The following PARD3 variants were observed in gnomAD, a reference collection of about 807,000 sequenced individuals.
The protein encoded by PARD3 is par-3 family cell polarity regulator.
A neutral mutation model predicts 155.4 loss-of-function variants in PARD3; 75 were observed. The observed-to-expected ratio is 0.48, with a 90% CI of 0.40 to 0.58. The LOEUF is 0.58. Among genes scored for constraint, PARD3 ranks in the 20% least tolerant of loss-of-function variants. PARD3 has a pLI of 0.00. For missense variants in PARD3, 1,642 were observed against 1,721.7 expected (o/e 0.95, Z 0.82); for synonymous variants, 576 against 610.5 (o/e 0.94, Z 0.83).
chr10:34,803,519 G>A (rs190550920), intron 1 of PARD3, among the ~76,000 whole-genome samples: 431 of 152,268 alleles, frequency 2.8e-3, no homozygotes, highest in Non-Finnish European at 5.1e-3. Flanking sequence ...GGCCGGGCGC[G>A]GTGGCTCATG....
At position 34,231,679 on chromosome 10, in the gene PARD3, G is replaced by A. The variant is rs924358038; in HGVS notation, c.3419+37978C>T. Among the ~76,000 whole-genome samples, 9 of 151,294 alleles carry A rather than the reference G, an allele frequency of 5.9e-5. No homozygotes were observed. In the East Asian group the frequency reaches 7.7e-4, roughly 13 times the overall value. On this transcript the variant is annotated intron_variant, in intron 22 of 24. Coordinates refer to ENST00000374788, the MANE Select transcript of PARD3 (RefSeq NM_001184785.2). The stretch of plus-strand genomic sequence containing the variant: ...TCTTGAAGCTCTCTTGCTTGTTAAC[G>A]CCCTGACCTTCGCATCTGTGCTCAG...
chr10:34,265,559 A>G lies in PARD3; in HGVS notation c.3419+4098T>C, dbSNP rs767556430. Reference sequence around the variant, plus strand: ...GAATAGTAAAGGTCACTGGACACCAATTGCAAATTTTGGTGGAATTTAGTC... The same window carrying G: ...GAATAGTAAAGGTCACTGGACACCAGTTGCAAATTTTGGTGGAATTTAGTC... On this transcript the variant is annotated intron_variant, in intron 22 of 24. Coordinates refer to ENST00000374788, the MANE Select transcript of PARD3 (RefSeq NM_001184785.2). 4.2e-4 allele frequency among the ~76,000 whole-genome samples: 64 copies of G among 152,202 alleles called. 1 individual carries two copies. The highest frequency in any genetic ancestry group is 4.1e-4 in the South Asian group (2 of 4,832).
chr10:34,177,982 T>G (rs558799477), intron 22 of PARD3, among the ~76,000 whole-genome samples: 1 of 152,208 alleles, frequency 6.6e-6, no homozygotes, highest in Non-Finnish European at 1.5e-5. Context: ...AGAGACATAC[T>G]ATTGCAGGAA....
In PARD3 at chr10:34,245,576, GAAACAAAACAAAACAAAACA is replaced by G. The variant is rs5784403; in HGVS notation, c.3419+24061_3419+24080del. ...GCCAGACAAGGGGTAATACATCCCT[GAAACAAAACAAAACAAAACA>G]AAACAAAACAAAACAAAACAAGGAA... On this transcript the variant is annotated intron_variant, in intron 22 of 24. Transcript: ENST00000374788. 6.7e-5 allele frequency among the ~76,000 whole-genome samples: 10 copies of G among 148,272 alleles called. No homozygotes were observed. The East Asian group carries it at 1.8e-3, about 27-fold the overall frequency.
intron 11 of PARD3, among the ~76,000 whole-genome samples, chr10:34,373,752 G>C (rs1185332612): frequency 6.6e-6 from 1 of 152,004 alleles, no homozygotes; most frequent in Non-Finnish European, 1.5e-5. Flanking sequence ...ATCACTGTCT[G>C]AAATTTCCAC....
chr10:34,539,060 T>G (rs939435393), intron 2 of PARD3, among the ~76,000 whole-genome samples: 1 of 152,240 alleles, frequency 6.6e-6, no homozygotes, highest in Non-Finnish European at 1.5e-5. Flanking sequence ...TTGGTGAATA[T>G]TCACATTTTG....
At chr10:34,375,025 A>C in intron 10 of PARD3, 23 bp from the exon 11 acceptor site, 1 of 1,599,242 alleles carries the variant, frequency 6.3e-7, no homozygotes, top group Middle Eastern at 1.7e-4. Context: ...AAAAGTTTTC[A>C]GCTGTAATCC....
At chr10:34,521,334 T>C (rs993876600) in intron 2 of PARD3, among the ~76,000 whole-genome samples, 8 of 135,702 alleles carry the variant, frequency 5.9e-5, no homozygotes, top group African/African-American at 2.3e-4. Context: ...TTAGAAAATC[T>C]ACTCTATAAG....
rs368634317 is a variant in PARD3, at chr10:34,113,828, C to A, written c.3669-2266G>T. On this transcript the variant is annotated intron_variant, in intron 24 of 24. Transcript: ENST00000374788. ...CCTATGAAACAGGCATAATCTCTAA[C>A]CCTGAAAGGTTGTGGGGAGAAAGAA... 6.6e-5 allele frequency among the ~76,000 whole-genome samples: 10 copies of A among 152,102 alleles called. No homozygotes were observed. In the East Asian group the frequency reaches 1.7e-3, roughly 26 times the overall value.
chr10:34,261,811 AAGAAAGAAAG>A (rs1185042526), intron 22 of PARD3, among the ~76,000 whole-genome samples: 3 of 149,876 alleles, frequency 2.0e-5, no homozygotes, highest in African/African-American at 7.4e-5. Flanking sequence ...GAAAGAAAGA[AAGAAAGAAAG>A]AAAGAAACAA....
intron 2 of PARD3, among the ~76,000 whole-genome samples, chr10:34,657,492 A>ACTAAATT (rs2093204177): frequency 6.6e-6 from 1 of 152,110 alleles, no homozygotes; most frequent in Non-Finnish European, 1.5e-5. Context: ...TTTAGTAATT[A>ACTAAATT]ACACATCACT....
chr10:34,666,796 A>AAAAAAAAAAAG (rs1358640964), intron 2 of PARD3, among the ~76,000 whole-genome samples: 1 of 66,930 alleles, frequency 1.5e-5, no homozygotes, highest in Non-Finnish European at 2.8e-5. Context: ...AAAAAAAAAA[A>AAAAAAAAAAAG]ATATATATAT....
chr10:34,185,348 G>A (rs930095554), intron 22 of PARD3, among the ~76,000 whole-genome samples: 3 of 152,144 alleles, frequency 2.0e-5, no homozygotes, highest in African/African-American at 7.2e-5. Flanking sequence ...AAAGAATGCT[G>A]TCTTTCATAT....
intron 2 of PARD3, among the ~76,000 whole-genome samples, chr10:34,590,552 T>C (rs1303801993): frequency 6.6e-6 from 1 of 152,162 alleles, no homozygotes; most frequent in African/African-American, 2.4e-5. Context: ...TGGTTGGAAA[T>C]TCAGCTAAAG....
intron 22 of PARD3, among the ~76,000 whole-genome samples, chr10:34,181,435 G>A (rs1950262863): frequency 6.6e-6 from 1 of 152,170 alleles, no homozygotes; most frequent in Non-Finnish European, 1.5e-5. Context: ...TCAGAGGGAT[G>A]ATGATATTAA....
chr10:34,446,088 T>C (rs2076724857), intron 5 of PARD3, among the ~76,000 whole-genome samples: 1 of 152,158 alleles, frequency 6.6e-6, no homozygotes, highest in Non-Finnish European at 1.5e-5. Flanking sequence ...AAAAATGTAT[T>C]TGCTTTTACA....
Position 34,372,495 on chromosome 10 carries a change from T to TA in PARD3, c.1707+2dup. The TA allele has an allele frequency of 6.2e-7, 1 of 1,606,614 alleles. No homozygotes were observed. Among genetic ancestry groups the TA allele is most frequent in the Non-Finnish European group, 8.5e-7 (1 of 1,173,428 alleles). On this transcript the variant is annotated splice_region_variant and intron_variant, in intron 12 of 24. Transcript: ENST00000374788. ...TGCATCCTTCAAAAGACAAAGCTCT[T>TA]ACCGTTTCTTTTGGAATCTGCATCT...
intron 3 of PARD3, among the ~76,000 whole-genome samples, chr10:34,515,320 C>A (rs1274660230): frequency 6.6e-6 from 1 of 152,194 alleles, no homozygotes; most frequent in African/African-American, 2.4e-5. Context: ...AAATTAGTTT[C>A]TTGCATATGT....
intron 2 of PARD3, among the ~76,000 whole-genome samples, chr10:34,526,667 T>C (rs1564810718): frequency 6.6e-6 from 1 of 152,162 alleles, no homozygotes; most frequent in Non-Finnish European, 1.5e-5. Context: ...GGGGAGCCCT[T>C]GTCTCCATAC....
Sources: allele counts gnomAD v4.1 joint callset (sites outside exome capture counted in the v4.1 genomes callset), GRCh38; gene constraint gnomAD v4.1.1; transcripts MANE v1.5; gene names NCBI Gene and HGNC (gene_info 2026-07-23, HGNC 2026-07-21).